The following PLCB1 variants were observed in gnomAD, a reference collection of about 807,000 sequenced individuals.
PLCB1 encodes the protein phospholipase C beta 1, also known as 1-phosphatidylinositol 4,5-bisphosphate phosphodiesterase beta-1.
Under a neutral mutation model 161.8 loss-of-function variants are expected in PLCB1, and 46 were observed. The observed-to-expected ratio is 0.28, with a 90% confidence interval of 0.22 to 0.36. The LOEUF (loss-of-function observed/expected upper bound fraction) is 0.36, where lower values mean the gene tolerates loss of function less well. PLCB1 is among the 10% of genes least tolerant of loss of function. The probability of loss-of-function intolerance (pLI) is 1.00; values close to 1 mark genes in which losing one functional copy is unlikely to be tolerated. For synonymous variants in PLCB1, 517 were observed against 503.7 expected (o/e 1.03, Z -0.35); for missense variants, 1,016 against 1,472.5 (o/e 0.69, Z 5.07).
At chr20:8,546,096 C>T (rs1985533197) in intron 3 of PLCB1, among the ~76,000 whole-genome samples, 1 of 152,000 alleles carries the variant, frequency 6.6e-6, no homozygotes, top group African/African-American at 2.4e-5. Context: ...GCGGACGGAT[C>T]ACGAGGTCAG....
chr20:8,634,807 T>C (rs1988710477), intron 4 of PLCB1, among the ~76,000 whole-genome samples: 1 of 152,216 alleles, frequency 6.6e-6, no homozygotes, highest in Non-Finnish European at 1.5e-5. Flanking sequence ...TGACCCAACA[T>C]AGTCCCTACC....
intron 3 of PLCB1, among the ~76,000 whole-genome samples, chr20:8,577,318 A>G (rs757966908): frequency 1.2e-4 from 18 of 151,390 alleles, no homozygotes; most frequent in Admixed American, 2.0e-4. Context: ...GGCACCTGTA[A>G]TCCCAGCTAC....
intron 2 of PLCB1, among the ~76,000 whole-genome samples, chr20:8,324,200 GT>G (rs1354219229): frequency 0.12 from 94 of 800 alleles, 2 homozygotes; most frequent in South Asian, 0.22. Flanking sequence ...ACTGGTAGGG[GT>G]GTGTGTGTGT....
At chr20:8,163,388 C>T (rs1189131291) in intron 2 of PLCB1, among the ~76,000 whole-genome samples, 1 of 152,104 alleles carries the variant, frequency 6.6e-6, no homozygotes, top group Non-Finnish European at 1.5e-5. Flanking sequence ...GCCAGTGGGC[C>T]CTAGGCTTTG....
Position 8,859,356 on chromosome 20 carries a change from T to A in PLCB1, c.3424-22266T>A, listed in dbSNP as rs141856470. On this transcript the variant is annotated intron_variant, in intron 31 of 31. Transcript: ENST00000338037. ...ATCATAACAATTACCTTTAAACTCATGTTTCCAAAAATGTGATGTGTATGT... is the reference window on the plus strand; with the variant it reads ...ATCATAACAATTACCTTTAAACTCAAGTTTCCAAAAATGTGATGTGTATGT... Among the ~76,000 whole-genome samples the A allele has an allele frequency of 3.9e-5, 6 of 152,334 alleles. No homozygotes were observed. In the East Asian group the frequency reaches 1.2e-3, roughly 29 times the overall value.
intron 3 of PLCB1, among the ~76,000 whole-genome samples, chr20:8,578,570 T>C (rs560459788): frequency 8.5e-5 from 13 of 152,348 alleles, no homozygotes; most frequent in Admixed American, 7.2e-4. Context: ...GTGCAAAGAA[T>C]AGTCCTAACC....
chr20:8,356,957 G>A (rs1986381298), intron 2 of PLCB1, among the ~76,000 whole-genome samples: 2 of 152,088 alleles, frequency 1.3e-5, no homozygotes, highest in African/African-American at 2.4e-5. Context: ...AATTTCCTGG[G>A]TATTTACTTT....
At chr20:8,606,884 T>C (rs1183402789) in intron 3 of PLCB1, among the ~76,000 whole-genome samples, 3 of 152,212 alleles carry the variant, frequency 2.0e-5, no homozygotes, top group Non-Finnish European at 4.4e-5. Flanking sequence ...AAAATTTCCC[T>C]TTCTTTTGGA....
At chr20:8,237,689 T>C (rs11906122) in intron 2 of PLCB1, among the ~76,000 whole-genome samples, 2,142 of 152,234 alleles carry the variant, frequency 0.014, 47 homozygotes, top group African/African-American at 0.047. Flanking sequence ...TCCCCATTAC[T>C]ACTTAATTGG....
intron 31 of PLCB1, among the ~76,000 whole-genome samples, chr20:8,832,211 C>T (rs907623372): frequency 2.0e-5 from 3 of 151,984 alleles, no homozygotes; most frequent in Non-Finnish European, 4.4e-5. Flanking sequence ...AGTGGTTCCA[C>T]TTCTAACAGC....
At chr20:8,828,098 G>A (rs1018636758) in intron 31 of PLCB1, among the ~76,000 whole-genome samples, 1 of 152,192 alleles carries the variant, frequency 6.6e-6, no homozygotes, top group Non-Finnish European at 1.5e-5. Context: ...AGAAGGGAAA[G>A]TGTATCTAGA....
At chr20:8,708,147 A>T (rs1978793400) in intron 11 of PLCB1, among the ~76,000 whole-genome samples, 1 of 152,132 alleles carries the variant, frequency 6.6e-6, no homozygotes, top group African/African-American at 2.4e-5. Flanking sequence ...AAAACCATTG[A>T]ACTGTACACT....
intron 9 of PLCB1, among the ~76,000 whole-genome samples, chr20:8,662,833 C>A (rs1182500141): frequency 6.6e-6 from 1 of 151,714 alleles, no homozygotes; most frequent in African/African-American, 2.4e-5. Context: ...CTGTAGGGGA[C>A]AGTTCATGGA....
intron 3 of PLCB1, among the ~76,000 whole-genome samples, chr20:8,386,737 G>C (rs116676532): frequency 2.0e-5 from 3 of 152,176 alleles, no homozygotes; most frequent in South Asian, 2.1e-4. Context: ...CCAACAGAAG[G>C]CTGTTTTGTC....
chr20:8,746,928 C>G (rs969569668), intron 23 of PLCB1, among the ~76,000 whole-genome samples: 1 of 152,168 alleles, frequency 6.6e-6, no homozygotes, highest in Non-Finnish European at 1.5e-5. Flanking sequence ...GCCTGGGACT[C>G]AGCATCTCTA....
intron 4 of PLCB1, among the ~76,000 whole-genome samples, chr20:8,632,035 C>CTTTTTTTTTTTTTTTTTT (rs34028351): frequency 8.7e-5 from 4 of 45,982 alleles, no homozygotes; most frequent in Non-Finnish European, 1.1e-4. Context: ...GTTTTTTTTG[C>CTTTTTTTTTTTTTTTTTT]TTTTTTTTTT....
intron 3 of PLCB1, among the ~76,000 whole-genome samples, chr20:8,398,359 A>G (rs550668007): frequency 6.6e-6 from 1 of 152,296 alleles, no homozygotes; most frequent in South Asian, 2.1e-4. Flanking sequence ...TTGGACTTCT[A>G]TAACAAATTA....
rs74855776 is a variant in PLCB1 at position 8,139,982 on chromosome 20, G to C, written c.99+7232G>C. 5.3e-5 allele frequency among the ~76,000 whole-genome samples: 8 copies of C among 152,284 alleles called. No homozygotes were observed. In the East Asian group the frequency reaches 1.5e-3, roughly 29 times the overall value. The stretch of plus-strand genomic sequence containing the variant: ...AGGGGCCAATTTCCTGCATCCTTTG[G>C]GTTGTTTCTACAGATACGTGAGAAG... On this transcript the variant is annotated intron_variant, in intron 1 of 31. Coordinates refer to ENST00000338037, the MANE Select transcript of PLCB1 (RefSeq NM_015192.4).
intron 2 of PLCB1, 59 bp from the exon 3 acceptor site, chr20:8,371,323 T>C (rs1986896616): frequency 1.7e-6 from 2 of 1,173,278 alleles, no homozygotes; most frequent in African/African-American, 3.1e-5. Context: ...GTCAATGACA[T>C]AAAACAAAGA....
Sources: gnomAD v4.1 joint callset for allele counts (sites outside exome capture counted in the v4.1 genomes callset) on GRCh38, gnomAD v4.1.1 for gene constraint, MANE v1.5 for transcripts, NCBI Gene and HGNC (gene_info 2026-07-23, HGNC 2026-07-21) for gene names.